The following ABCA1 variants were observed in gnomAD, a reference collection of about 807,000 sequenced individuals.
The protein encoded by ABCA1 is phospholipid-transporting ATPase ABCA1.
Under a neutral mutation model 262.5 loss-of-function variants are expected in ABCA1, and 133 were observed. The observed-to-expected ratio is 0.51, with a 90% CI of 0.44 to 0.59. The LOEUF is 0.59. ABCA1 is among the 20% of genes least tolerant of loss of function. The probability of loss-of-function intolerance (pLI) is 0.00; values close to 1 mark genes in which losing one functional copy is unlikely to be tolerated. For missense variants in ABCA1, 2,452 were observed against 2,777.5 expected, an observed-to-expected ratio of 0.88 and a Z score of 2.63; for synonymous variants, 1,022 against 1,043.5, an observed-to-expected ratio of 0.98 and a Z score of 0.40.
At chr9:104,871,413 G>C (rs1230045017) in intron 5 of ABCA1, among the ~76,000 whole-genome samples, 1 of 152,190 alleles carries the variant, frequency 6.6e-6, no homozygotes, top group African/African-American at 2.4e-5. Flanking sequence ...GAAGTCCCTA[G>C]AATGAGGGTT....
At chr9:104,856,319 GAA>G (rs1171301192) in intron 7 of ABCA1, among the ~76,000 whole-genome samples, 1 of 152,170 alleles carries the variant, frequency 6.6e-6, no homozygotes, top group African/African-American at 2.4e-5. Context: ...GCCCCATTTT[GAA>G]GAGAGGTCTC....
intron 8 of ABCA1, among the ~76,000 whole-genome samples, chr9:104,845,227 AGAAG>A (rs1834757237): frequency 6.6e-6 from 1 of 152,218 alleles, no homozygotes; most frequent in Non-Finnish European, 1.5e-5. Context: ...GAAAAAATGG[AGAAG>A]GTTCTAAACT....
At chr9:104,873,485 C>A (rs145225245) in intron 5 of ABCA1, among the ~76,000 whole-genome samples, 5 of 152,214 alleles carry the variant, frequency 3.3e-5, no homozygotes, top group African/African-American at 9.7e-5. Flanking sequence ...GCCCTCTTGT[C>A]TCCTTTCTCA....
chr9:104,865,876 C>T (rs1325081372), intron 5 of ABCA1, among the ~76,000 whole-genome samples: 1 of 152,144 alleles, frequency 6.6e-6, no homozygotes, highest in South Asian at 2.1e-4. Context: ...GACACAGTCC[C>T]TGCCTTCGAG....
intron 22 of ABCA1, 107 bp from the exon 23 acceptor site, chr9:104,818,990 G>T: frequency 1.8e-6 from 2 of 1,108,156 alleles, no homozygotes; most frequent in Non-Finnish European, 2.7e-6. Context: ...CACTGGAAGA[G>T]ACCTGGAAGC....
intron 2 of ABCA1, among the ~76,000 whole-genome samples, chr9:104,894,603 A>G (rs564035724): frequency 1.3e-5 from 2 of 152,328 alleles, no homozygotes; most frequent in South Asian, 4.1e-4. Context: ...ACACTGCCCA[A>G]TGGTCCAAGA....
At chr9:104,850,522 T>C (rs1340918079) in intron 7 of ABCA1, among the ~76,000 whole-genome samples, 2 of 152,206 alleles carry the variant, frequency 1.3e-5, no homozygotes, top group Non-Finnish European at 2.9e-5. Context: ...GAAGGACAGG[T>C]GAGCAGGAAG....
intron 30 of ABCA1, among the ~76,000 whole-genome samples, chr9:104,807,990 C>T (rs1361325524): frequency 1.3e-5 from 2 of 151,860 alleles, no homozygotes; most frequent in Non-Finnish European, 2.9e-5. Context: ...AGCACCTGAA[C>T]TGACCAGAAA....
chr9:104,915,393 C>G (rs1841781118), intron 1 of ABCA1, among the ~76,000 whole-genome samples: 1 of 152,200 alleles, frequency 6.6e-6, no homozygotes, highest in Non-Finnish European at 1.5e-5. Context: ...CAAGCAAACT[C>G]CTTCTTTAGA....
intron 5 of ABCA1, among the ~76,000 whole-genome samples, chr9:104,870,377 G>C (rs991757886): frequency 6.6e-6 from 1 of 152,204 alleles, no homozygotes; most frequent in Non-Finnish European, 1.5e-5. Context: ...TGGCCAGAGG[G>C]TCGGGTGAGC....
chr9:104,871,776 G>A (rs1837628426), intron 5 of ABCA1, among the ~76,000 whole-genome samples: 2 of 152,056 alleles, frequency 1.3e-5, no homozygotes, highest in Admixed American at 1.3e-4. Flanking sequence ...TCCAGAAACA[G>A]GAAAGACTAC....
chr9:104,815,558 T>A (rs1285478738), intron 25 of ABCA1, among the ~76,000 whole-genome samples: 1 of 152,188 alleles, frequency 6.6e-6, no homozygotes, highest in Non-Finnish European at 1.5e-5. Context: ...GTGTTCATTT[T>A]TTCATCTTTT....
chr9:104,809,943 G>C (rs906089669), intron 29 of ABCA1, among the ~76,000 whole-genome samples: 2 of 151,874 alleles, frequency 1.3e-5, no homozygotes, highest in African/African-American at 4.8e-5. Flanking sequence ...GATTTTCCAA[G>C]AAAGGGCAAG....
chr9:104,865,776 T>C (rs2119123056), intron 5 of ABCA1, among the ~76,000 whole-genome samples: 1 of 152,324 alleles, frequency 6.6e-6, no homozygotes, highest in South Asian at 2.1e-4. Flanking sequence ...TGGTAGGTGC[T>C]CAATATATGG....
In ABCA1 at chr9:104,809,519, G is replaced by A; in HGVS notation, c.4221C>T (p.Ala1407=). 1.2e-6 allele frequency: 2 copies of A among 1,614,198 alleles called. No homozygotes were observed. Among genetic ancestry groups the A allele is most frequent in the Non-Finnish European group, 1.7e-6 (2 of 1,180,040 alleles). The change falls in exon 30 of 50, where the codon GCC becomes GCT. Residue 1407 remains alanine, a synonymous_variant. Transcript: ENST00000374736. ...TCCCGAAGCCAGGGTCTTTGGTGAG[G>A]GCGTTTAAGAGTTCCAGGGTTCCCG... The part of the protein sequence containing the change: ...EDTGTLELLN[A]LTKDPGFGTR...
At chr9:104,828,752 G>A (rs902772604) in intron 15 of ABCA1, among the ~76,000 whole-genome samples, 164 bp downstream of exon 15, 2 of 152,142 alleles carry the variant, frequency 1.3e-5, no homozygotes, top group Admixed American at 1.3e-4. Flanking sequence ...GCCCCTCTCT[G>A]GGCCTCACTT....
chr9:104,919,456 A>G (rs1478712719), intron 1 of ABCA1, among the ~76,000 whole-genome samples: 2 of 152,162 alleles, frequency 1.3e-5, no homozygotes, highest in African/African-American at 4.8e-5. Context: ...TTAAAAAAAT[A>G]CAAAAATTAG....
chr9:104,787,440 C>T (rs907312247), intron 46 of ABCA1, among the ~76,000 whole-genome samples: 4 of 151,882 alleles, frequency 2.6e-5, no homozygotes, highest in Admixed American at 2.0e-4. Context: ...AGGTGGAATA[C>T]ATAAAAGCCT....
At chr9:104,924,095 C>T (rs1475874993) in intron 1 of ABCA1, among the ~76,000 whole-genome samples, 2 of 152,158 alleles carry the variant, frequency 1.3e-5, no homozygotes, top group African/African-American at 4.8e-5. Flanking sequence ...GTACTTGCCA[C>T]ACAGTGCTAT....
Sources: gnomAD v4.1 joint callset for allele counts (sites outside exome capture counted in the v4.1 genomes callset) on GRCh38, gnomAD v4.1.1 for gene constraint, MANE v1.5 for transcripts, NCBI Gene and HGNC (gene_info 2026-07-23, HGNC 2026-07-21) for gene names.